HMGB1: variants seen among roughly 807,000 people sequenced by gnomAD.
HMGB1 encodes the protein high mobility group box 1, also known as high mobility group protein B1.
For missense variants in HMGB1, 79 were observed against 253.5 expected (o/e 0.31, Z 4.67); for synonymous variants, 81 against 84.0 (o/e 0.96, Z 0.19).
Position 30,483,764 on chromosome 13 carries a change from C to T in HMGB1, c.-14-20070G>A, listed in dbSNP as rs139363106. On this transcript the variant is annotated intron_variant, in intron 1 of 4. Coordinates refer to the HMGB1 transcript ENST00000405805. ...GAGTAGTTGGGGCCACAGACACGCA[C>T]CACCACACCCAACTAATTTTTAAAT... Among the ~76,000 whole-genome samples, 51 of 152,060 alleles carry T rather than the reference C, an allele frequency of 3.4e-4. No homozygotes were observed. In the East Asian group the frequency reaches 8.5e-3, roughly 25 times the overall value.
intron 1 of HMGB1, among the ~76,000 whole-genome samples, chr13:30,507,841 A>T (rs1047288285): frequency 6.6e-6 from 1 of 152,114 alleles, no homozygotes; most frequent in Non-Finnish European, 1.5e-5. Context: ...ATAAAATTTT[A>T]AAAAATTAGC....
intron 1 of HMGB1, among the ~76,000 whole-genome samples, chr13:30,575,206 A>G (rs1038944914): frequency 6.6e-6 from 1 of 152,264 alleles, no homozygotes; most frequent in South Asian, 2.1e-4. Flanking sequence ...AAAGCAATTA[A>G]CATACAAACC....
intron 1 of HMGB1, among the ~76,000 whole-genome samples, chr13:30,592,957 T>C: frequency 6.6e-6 from 1 of 151,962 alleles, no homozygotes; most frequent in East Asian, 1.9e-4. Flanking sequence ...AGAAATAATC[T>C]CTTATCCCCC....
chr13:30,570,412 G>A (rs1870375906), intron 1 of HMGB1, among the ~76,000 whole-genome samples: 3 of 152,180 alleles, frequency 2.0e-5, no homozygotes, highest in African/African-American at 4.8e-5. Flanking sequence ...AATGCATAAC[G>A]GGATTCTCAT....
chr13:30,614,496 T>C (rs1384748803), intron 1 of HMGB1, among the ~76,000 whole-genome samples: 2 of 152,162 alleles, frequency 1.3e-5, no homozygotes, highest in Non-Finnish European at 2.9e-5. Flanking sequence ...GCAGAAGAGA[T>C]GGGATTAGAT....
At chr13:30,503,558 G>A (rs1887784032) in intron 1 of HMGB1, among the ~76,000 whole-genome samples, 1 of 150,560 alleles carries the variant, frequency 6.6e-6, no homozygotes, top group Non-Finnish European at 1.5e-5. Context: ...TAACATTTCT[G>A]TTGCCAGCCT....
chr13:30,568,162 C>A (rs1456593166), intron 1 of HMGB1, among the ~76,000 whole-genome samples: 4 of 152,056 alleles, frequency 2.6e-5, no homozygotes, highest in Admixed American at 2.6e-4. Context: ...GGTGGTCCCC[C>A]AAAAAGATAT....
intron 1 of HMGB1, among the ~76,000 whole-genome samples, chr13:30,522,679 A>T (rs1470238207): frequency 6.6e-6 from 1 of 151,986 alleles, no homozygotes; most frequent in Admixed American, 6.6e-5. Flanking sequence ...GATGGATGTG[A>T]TATTGGGAAA....
intron 1 of HMGB1, among the ~76,000 whole-genome samples, chr13:30,590,972 G>A (rs937786000): frequency 6.6e-6 from 1 of 150,586 alleles, no homozygotes; most frequent in Admixed American, 6.6e-5. Context: ...AGCCTGAATA[G>A]ACTAAGACAA....
At chr13:30,475,525 TAAAA>T (rs148513243) in intron 1 of HMGB1, among the ~76,000 whole-genome samples, 1 of 131,516 alleles carries the variant, frequency 7.6e-6, no homozygotes, top group Non-Finnish European at 1.6e-5. Context: ...AGACCATCTC[TAAAA>T]AAAAAAAAAA....
chr13:30,578,368 C>CTTTTT lies in HMGB1; in HGVS notation c.-15+38298_-15+38302dup, dbSNP rs60947686. ...TCAAGATCAGAGACCAGTTCTTGTTCTTTTTTTTTTTTTTTTTTTTTTTTT... is the reference window on the plus strand; with the variant it reads ...TCAAGATCAGAGACCAGTTCTTGTTCTTTTTTTTTTTTTTTTTTTTTTTTTTTTTT... On this transcript the variant is annotated intron_variant, in intron 1 of 4. Coordinates refer to the HMGB1 transcript ENST00000405805. Among the ~76,000 whole-genome samples, 227 of 59,344 alleles carry CTTTTT rather than the reference C, an allele frequency of 3.8e-3. 4 individuals carry two copies. The highest frequency in any genetic ancestry group is 5.8e-3 in the African/African-American group (88 of 15,080). 38.9% of individuals were successfully genotyped at this position (59,344 alleles called of 152,430 possible). A position where few individuals can be genotyped will look rare whatever the true frequency, so the allele number is the denominator to read the frequency against.
chr13:30,461,630 T>C (rs1261692050), intron 4 of HMGB1, 97 bp from the exon 5 acceptor site: 33 of 1,584,476 alleles, frequency 2.1e-5, no homozygotes, highest in Non-Finnish European at 2.7e-5. Flanking sequence ...ATCAAGATTC[T>C]AGTTATACCA....
At position 30,505,290 on chromosome 13, in the gene HMGB1, T is replaced by C. The variant is rs376457807; in HGVS notation, c.-14-41596A>G. ...GCCTCCTGGGTTCAAACGATTCTCC[T>C]GCCTCAGCCTCCCTAGTAGCTGGGA... is the stretch of plus-strand genomic sequence containing the variant. On this transcript the variant is annotated intron_variant, in intron 1 of 4. Coordinates refer to the HMGB1 transcript ENST00000405805. Among the ~76,000 whole-genome samples the C allele has an allele frequency of 8.1e-4, 123 of 152,152 alleles. No individual in the cohort carries two copies. The East Asian group carries it at 0.019, about 24-fold the overall frequency.
rs980623192 is a variant in HMGB1 at position 30,460,258 on chromosome 13, G to A, written c.*1099C>T. 6.6e-6 allele frequency: 1 copy of A among 150,694 alleles called. No homozygotes were observed. Among genetic ancestry groups the A allele is most frequent in the African/African-American group, 2.5e-5 (1 of 40,116 alleles). 9.3% of individuals were successfully genotyped at this position (150,694 alleles called of 1,614,324 possible). A position where few individuals can be genotyped will look rare whatever the true frequency, so the allele number is the denominator to read the frequency against. On this transcript the variant is annotated 3_prime_UTR_variant, in exon 5 of 5. Coordinates refer to ENST00000341423, the MANE Select transcript of HMGB1 (RefSeq NM_002128.7). ...GAAAATATACCCTATTTTGAATGTG[G>A]CATCTTTGTTTGAAAAGCTGGCCCA... is the stretch of plus-strand genomic sequence containing the variant.
At chr13:30,544,407 T>TG (rs1008617747) in intron 1 of HMGB1, among the ~76,000 whole-genome samples, 32 of 152,326 alleles carry the variant, frequency 2.1e-4, no homozygotes, top group African/African-American at 7.2e-4. Context: ...AAGGCAAGAT[T>TG]GGAGAGTTAG....
Position 30,474,961 on chromosome 13 carries a change from T to TTG in HMGB1, c.-14-11268_-14-11267insCA, listed in dbSNP as rs1565999249. On this transcript the variant is annotated intron_variant, in intron 1 of 4. Coordinates refer to the HMGB1 transcript ENST00000405805. ...TTTTTTTTTTCTTTTCTTTTTTTGT[T>TTG]TTTTTTTTTTTTTTTTTTTTGAGAC... is the stretch of plus-strand genomic sequence containing the variant. Among the ~76,000 whole-genome samples, 24 of 20,800 alleles carry TTG rather than the reference T, an allele frequency of 1.2e-3. 1 individual carries two copies. Among genetic ancestry groups the TTG allele is most frequent in the African/African-American group, 1.9e-3 (15 of 7,748 alleles). 13.6% of individuals were successfully genotyped at this position (20,800 alleles called of 152,430 possible).
At chr13:30,572,832 T>C (rs1870491997) in intron 1 of HMGB1, among the ~76,000 whole-genome samples, 1 of 152,202 alleles carries the variant, frequency 6.6e-6, no homozygotes, top group Non-Finnish European at 1.5e-5. Context: ...ACTTAAGCCA[T>C]TTCATCTGAA....
chr13:30,545,961 C>T (rs1410488560), intron 1 of HMGB1, among the ~76,000 whole-genome samples: 1 of 152,174 alleles, frequency 6.6e-6, no homozygotes, highest in African/African-American at 2.4e-5. Flanking sequence ...CTCGGCCTCC[C>T]AAAGTGTTGG....
intron 1 of HMGB1, among the ~76,000 whole-genome samples, chr13:30,567,877 G>A (rs1359007725): frequency 6.6e-6 from 1 of 152,166 alleles, no homozygotes; most frequent in East Asian, 1.9e-4. Flanking sequence ...CAAGTCCTGG[G>A]AACTAAACAG....
Sources: allele counts gnomAD v4.1 joint callset (sites outside exome capture counted in the v4.1 genomes callset), GRCh38; gene constraint gnomAD v4.1.1; transcripts MANE v1.5; gene names NCBI Gene and HGNC (gene_info 2026-07-23, HGNC 2026-07-21).